RAB3C: variants seen among roughly 807,000 people sequenced by gnomAD.
The protein encoded by RAB3C is RAB3C, member RAS oncogene family, also known as ras-related protein Rab-3C.
In RAB3C, 17 loss-of-function variants were observed where a neutral mutation model predicts 26.4. That is an observed-to-expected ratio of 0.64 (90% CI 0.44 to 0.97). The LOEUF (loss-of-function observed/expected upper bound fraction) is 0.97. RAB3C is among the 50% of genes least tolerant of loss of function. The probability of loss-of-function intolerance (pLI) is 0.00; values close to 1 mark genes in which losing one functional copy is unlikely to be tolerated. For synonymous variants in RAB3C, 91 were observed against 95.9 expected (o/e 0.95, Z 0.30); for missense variants, 242 against 281.9 (o/e 0.86, Z 1.01).
intron 3 of RAB3C, among the ~76,000 whole-genome samples, chr5:58,810,191 C>A (rs1054984089): frequency 3.3e-5 from 5 of 152,270 alleles, no homozygotes; most frequent in Non-Finnish European, 7.3e-5. Flanking sequence ...CATCAGAAAC[C>A]AGCTGGCAAG....
intron 2 of RAB3C, among the ~76,000 whole-genome samples, chr5:58,653,347 G>A (rs1342160115): frequency 1.3e-5 from 2 of 152,216 alleles, no homozygotes; most frequent in Non-Finnish European, 2.9e-5. Flanking sequence ...TACACTGTTG[G>A]TGGGAGTGTA....
At chr5:58,788,213 C>G (rs1742437438) in intron 3 of RAB3C, 2 of 152,280 alleles carry the variant, frequency 1.3e-5, no homozygotes, top group Non-Finnish European at 2.9e-5. Flanking sequence ...CATGCTGCTT[C>G]AGTCTGGCTT....
chr5:58,588,738 G>A (rs1299731323), intron 1 of RAB3C, among the ~76,000 whole-genome samples: 1 of 152,086 alleles, frequency 6.6e-6, no homozygotes, highest in Non-Finnish European at 1.5e-5. Flanking sequence ...CCTGGGGTCT[G>A]TATCCAGACT....
chr5:58,717,073 T>C (rs1427216597), intron 2 of RAB3C, among the ~76,000 whole-genome samples: 3 of 152,070 alleles, frequency 2.0e-5, no homozygotes, highest in Non-Finnish European at 4.4e-5. Context: ...CTAGGGTGTT[T>C]ATGAGATATC....
At chr5:58,767,086 C>T (rs1005487182) in intron 3 of RAB3C, among the ~76,000 whole-genome samples, 1 of 152,146 alleles carries the variant, frequency 6.6e-6, no homozygotes, top group Non-Finnish European at 1.5e-5. Flanking sequence ...CAGATCAGTG[C>T]CAGTACATGT....
At chr5:58,819,734 C>T (rs556511847) in intron 3 of RAB3C, among the ~76,000 whole-genome samples, 30 of 151,978 alleles carry the variant, frequency 2.0e-4, no homozygotes, top group African/African-American at 7.0e-4. Flanking sequence ...AAAAAATTAG[C>T]GGGGTGTTGT....
chr5:58,703,041 T>G (rs1489944126), intron 2 of RAB3C, among the ~76,000 whole-genome samples: 1 of 152,190 alleles, frequency 6.6e-6, no homozygotes, highest in Non-Finnish European at 1.5e-5. Flanking sequence ...TAATTAAAGA[T>G]GACTTCCATG....
chr5:58,805,477 CAG>C (rs987366736), intron 3 of RAB3C, among the ~76,000 whole-genome samples: 11 of 150,690 alleles, frequency 7.3e-5, no homozygotes, highest in African/African-American at 1.5e-4. Flanking sequence ...CCCATCTACA[CAG>C]GGGGCTGAAG....
chr5:58,846,533 C>A (rs1744010382), intron 4 of RAB3C, among the ~76,000 whole-genome samples: 1 of 152,044 alleles, frequency 6.6e-6, no homozygotes, highest in African/African-American at 2.4e-5. Flanking sequence ...ATTGTGGCAC[C>A]ACACTCAGCT....
At chr5:58,806,784 G>C (rs756981722) in intron 3 of RAB3C, among the ~76,000 whole-genome samples, 6 of 152,128 alleles carry the variant, frequency 3.9e-5, no homozygotes, top group Non-Finnish European at 7.4e-5. Context: ...AGAATAATCA[G>C]ATGGAAACCC....
At chr5:58,603,404 A>T (rs906345062) in intron 1 of RAB3C, among the ~76,000 whole-genome samples, 17 of 152,120 alleles carry the variant, frequency 1.1e-4, no homozygotes, top group Admixed American at 5.2e-4. Context: ...TCCCCCAAAT[A>T]TGTTTTCCAA....
At chr5:58,610,192 T>TTTTGTGTGTGTGTGTG (rs1746668264) in intron 1 of RAB3C, among the ~76,000 whole-genome samples, 2 of 18,394 alleles carry the variant, frequency 1.1e-4, no homozygotes, top group South Asian at 5.3e-3. Flanking sequence ...ATTTTTGTTT[T>TTTTGTGTGTGTGTGTG]TCTGTGTGTG....
intron 3 of RAB3C, chr5:58,814,817 T>A (rs558325529): frequency 1.2e-4 from 19 of 152,286 alleles, no homozygotes; most frequent in African/African-American, 4.1e-4. Flanking sequence ...ATTTGACATT[T>A]TATAAAATTA....
At chr5:58,776,614 C>A (rs1486134624) in intron 3 of RAB3C, among the ~76,000 whole-genome samples, 1 of 152,084 alleles carries the variant, frequency 6.6e-6, no homozygotes, top group Non-Finnish European at 1.5e-5. Flanking sequence ...TTATACCACT[C>A]CCCTTTTTTC....
At chr5:58,663,358 A>G (rs1009258902) in intron 2 of RAB3C, among the ~76,000 whole-genome samples, 3 of 150,272 alleles carry the variant, frequency 2.0e-5, no homozygotes. Context: ...ATACCAATTC[A>G]TATCAAAGGG....
At chr5:58,665,014 C>T (rs981141058) in intron 2 of RAB3C, among the ~76,000 whole-genome samples, 26 of 152,054 alleles carry the variant, frequency 1.7e-4, no homozygotes, top group Admixed American at 7.2e-4. Context: ...TAGTTTACTC[C>T]CTCCCTTAAT....
chr5:58,637,116 T>C (rs73759530), intron 2 of RAB3C, among the ~76,000 whole-genome samples: 5,959 of 146,062 alleles, frequency 0.041, 253 homozygotes, highest in African/African-American at 0.11. Context: ...TTTTTTTTAC[T>C]ATTCAGTTTG....
chr5:58,828,082 G>C (rs1257283954), intron 4 of RAB3C, among the ~76,000 whole-genome samples: 1 of 152,130 alleles, frequency 6.6e-6, no homozygotes, highest in Non-Finnish European at 1.5e-5. Context: ...GTCCTTGATG[G>C]AACCAAGTTG....
chr5:58,774,417 A>C (rs371686479), intron 3 of RAB3C, among the ~76,000 whole-genome samples: 1 of 151,990 alleles, frequency 6.6e-6, no homozygotes, highest in Non-Finnish European at 1.5e-5. Context: ...GCCCACAAAC[A>C]TGCTTAAGTC....
Sources: gnomAD v4.1 joint callset for allele counts (sites outside exome capture counted in the v4.1 genomes callset) on GRCh38, gnomAD v4.1.1 for gene constraint, MANE v1.5 for transcripts, NCBI Gene and HGNC (gene_info 2026-07-23, HGNC 2026-07-21) for gene names.